PDE7B: variants seen among roughly 807,000 people sequenced by gnomAD.
PDE7B encodes the protein 3',5'-cyclic-AMP phosphodiesterase 7B.
PDE7B carries 29 observed loss-of-function variants against 56.2 expected under a neutral mutation model. The ratio of observed to expected loss-of-function variants is 0.52; its 90% CI spans 0.38 to 0.70. PDE7B has a LOEUF of 0.70. PDE7B is among the 30% of genes least tolerant of loss of function. The pLI is 0.00. For synonymous variants in PDE7B, 197 were observed against 196.9 expected, an observed-to-expected ratio of 1.00 and a Z score of 0.00; for missense variants, 490 against 565.0, an observed-to-expected ratio of 0.87 and a Z score of 1.35.
At chr6:135,884,506 C>T (rs1775667064) in intron 1 of PDE7B, among the ~76,000 whole-genome samples, 1 of 152,104 alleles carries the variant, frequency 6.6e-6, no homozygotes, top group Non-Finnish European at 1.5e-5. Context: ...GGCTTTTTGA[C>T]TTCATGTCCT....
chr6:135,852,036 T>C lies in PDE7B; in HGVS notation c.21+17T>C, dbSNP rs368956680. 3.5e-5 allele frequency: 55 copies of C among 1,589,568 alleles called. No homozygotes were observed. The highest frequency in any genetic ancestry group is 4.8e-5 in the Non-Finnish European group (55 of 1,157,748). On this transcript the variant is annotated intron_variant, in intron 1 of 12. Coordinates refer to ENST00000308191, the MANE Select transcript of PDE7B (RefSeq NM_018945.4). ...ATGGTTGAGGTATGTACAACAAATT[T>C]AAGCGGCAAGCTCAGTTTTCTTGAG...
intron 2 of PDE7B, among the ~76,000 whole-genome samples, chr6:136,009,042 T>C (rs1323457560): frequency 2.0e-5 from 3 of 151,800 alleles, no homozygotes; most frequent in Admixed American, 2.0e-4. Context: ...CAGTTTCAGC[T>C]TTCTACATAT....
intron 2 of PDE7B, among the ~76,000 whole-genome samples, chr6:135,963,480 G>A (rs1402506207): frequency 1.3e-5 from 2 of 152,256 alleles, no homozygotes; most frequent in East Asian, 3.9e-4. Flanking sequence ...TGAAGATCCT[G>A]CTGATACAAA....
chr6:136,093,827 C>G (rs1169498349), intron 2 of PDE7B, among the ~76,000 whole-genome samples: 2 of 152,198 alleles, frequency 1.3e-5, no homozygotes, highest in Admixed American at 6.5e-5. Flanking sequence ...CCCCAACAGT[C>G]TGCTCTCAAC....
At chr6:135,905,335 C>A (rs1480417381) in intron 1 of PDE7B, among the ~76,000 whole-genome samples, 1 of 122,360 alleles carries the variant, frequency 8.2e-6, no homozygotes, top group Non-Finnish European at 1.6e-5. Flanking sequence ...TACATACATG[C>A]GTGTGTGTGT....
chr6:136,108,856 TC>T, intron 3 of PDE7B, 42 bp downstream of exon 3: 1 of 1,223,422 alleles, frequency 8.2e-7, no homozygotes, highest in Admixed American at 1.8e-5. Context: ...AACGTTTTCT[TC>T]AAAAAGAAAA....
intron 1 of PDE7B, among the ~76,000 whole-genome samples, chr6:135,852,220 C>T (rs182825074): frequency 2.6e-5 from 4 of 152,054 alleles, no homozygotes; most frequent in Non-Finnish European, 5.9e-5. Context: ...CTGAATTAAC[C>T]GTTTAAGGGC....
intron 2 of PDE7B, among the ~76,000 whole-genome samples, chr6:135,989,269 A>G (rs1775432483): frequency 6.6e-6 from 1 of 152,188 alleles, no homozygotes. Flanking sequence ...ATCCGTCACT[A>G]TATTGCTTGT....
intron 1 of PDE7B, among the ~76,000 whole-genome samples, chr6:135,905,445 C>A (rs904573712): frequency 4.0e-5 from 6 of 151,584 alleles, no homozygotes; most frequent in Admixed American, 3.3e-4. Flanking sequence ...GAAACACTAA[C>A]CAGATTCCAA....
chr6:136,159,774 G>A (rs1778672611), intron 8 of PDE7B, among the ~76,000 whole-genome samples: 1 of 152,124 alleles, frequency 6.6e-6, no homozygotes, highest in African/African-American at 2.4e-5. Flanking sequence ...CTGGTTCCTG[G>A]TACCCCAGAT....
intron 2 of PDE7B, among the ~76,000 whole-genome samples, chr6:135,981,138 C>A (rs1459009133): frequency 6.6e-6 from 1 of 151,680 alleles, no homozygotes; most frequent in Non-Finnish European, 1.5e-5. Flanking sequence ...TTTGTGGGGA[C>A]ATGGATGAAA....
chr6:136,146,872 A>G (rs1469785075), intron 3 of PDE7B, among the ~76,000 whole-genome samples: 1 of 152,224 alleles, frequency 6.6e-6, no homozygotes. Context: ...TAAATGTAAT[A>G]TATAAGAAAT....
chr6:136,054,382 G>C (rs1216746217), intron 2 of PDE7B, among the ~76,000 whole-genome samples: 1 of 152,010 alleles, frequency 6.6e-6, no homozygotes, highest in African/African-American at 2.4e-5. Context: ...TGGCATTATT[G>C]CTGAGGACTC....
At chr6:136,158,387 A>C (rs1049116320) in intron 8 of PDE7B, among the ~76,000 whole-genome samples, 5 of 152,226 alleles carry the variant, frequency 3.3e-5, no homozygotes, top group African/African-American at 7.2e-5. Context: ...GCATGCGCAC[A>C]TGCACATTTG....
chr6:136,075,282 C>T (rs147593843), intron 2 of PDE7B, among the ~76,000 whole-genome samples: 310 of 152,272 alleles, frequency 2.0e-3, no homozygotes, highest in African/African-American at 6.8e-3. Flanking sequence ...AGCTCTAATA[C>T]TATATAAATT....
chr6:135,884,782 T>C (rs1169160806), intron 1 of PDE7B, among the ~76,000 whole-genome samples: 1 of 152,180 alleles, frequency 6.6e-6, no homozygotes, highest in Non-Finnish European at 1.5e-5. Context: ...CTTTTCGTGA[T>C]CCCTGAACTC....
At chr6:135,958,763 G>A (rs992608041) in intron 2 of PDE7B, among the ~76,000 whole-genome samples, 1 of 151,930 alleles carries the variant, frequency 6.6e-6, no homozygotes, top group African/African-American at 2.4e-5. Flanking sequence ...TTTCTTACCA[G>A]GAGATCCATT....
intron 2 of PDE7B, among the ~76,000 whole-genome samples, chr6:136,029,439 A>G (rs1338715451): frequency 6.6e-6 from 1 of 152,224 alleles, no homozygotes; most frequent in African/African-American, 2.4e-5. Context: ...TCAAAGACAG[A>G]TGTATGTTAC....
intron 2 of PDE7B, among the ~76,000 whole-genome samples, chr6:135,990,893 C>T (rs1003562466): frequency 2.0e-5 from 3 of 152,116 alleles, no homozygotes; most frequent in Admixed American, 2.0e-4. Context: ...GCAGAGCAGC[C>T]CTGAAGGCTG....
Sources: gnomAD v4.1 joint callset for allele counts (sites outside exome capture counted in the v4.1 genomes callset) on GRCh38, gnomAD v4.1.1 for gene constraint, MANE v1.5 for transcripts, NCBI Gene and HGNC (gene_info 2026-07-23, HGNC 2026-07-21) for gene names.